Variants in CNTNAP3B observed in about 807,000 individuals in gnomAD.
The protein encoded by CNTNAP3B is contactin associated protein family member 3B.
CNTNAP3B carries 25 observed loss-of-function variants against 108.9 expected under a neutral mutation model. The ratio of observed to expected loss-of-function variants is 0.23; its 90% CI spans 0.17 to 0.32. The LOEUF is 0.32. Among genes scored for constraint, CNTNAP3B ranks in the 10% least tolerant of loss-of-function variants. The probability of loss-of-function intolerance (pLI) is 1.00; values close to 1 mark genes in which losing one functional copy is unlikely to be tolerated. For synonymous variants in CNTNAP3B, 103 were observed against 473.4 expected (o/e 0.22, Z 10.16); for missense variants, 252 against 1,210.4 (o/e 0.21, Z 11.75).
At chr9:41,952,117 C>T (rs1824707058) in intron 13 of CNTNAP3B, among the ~76,000 whole-genome samples, 2 of 152,254 alleles carry the variant, frequency 1.3e-5, no homozygotes, top group Non-Finnish European at 2.9e-5. Context: ...GCTGATTGGC[C>T]AGACGGACTA....
rs567604899 is a variant in CNTNAP3B at position 42,121,547 on chromosome 9, C to T, written c.85+7463G>A. On this transcript the variant is annotated intron_variant, in intron 1 of 23. Coordinates refer to ENST00000377561, the MANE Select transcript of CNTNAP3B (RefSeq NM_001201380.3). Reference sequence around the variant, plus strand: ...AACAAAACAAATTGACAATCAACCCCGGCCACCCAGGAGATGAGCTTTGTC... The same window carrying T: ...AACAAAACAAATTGACAATCAACCCTGGCCACCCAGGAGATGAGCTTTGTC... Among the ~76,000 whole-genome samples, 14 of 139,040 alleles carry T rather than the reference C, an allele frequency of 1.0e-4. 3 individuals carry two copies. The highest frequency in any genetic ancestry group is 7.0e-4 in the South Asian group (3 of 4,272). 91.2% of individuals were successfully genotyped at this position (139,040 alleles called of 152,430 possible).
At chr9:41,923,329 T>C (rs1376386341) in intron 16 of CNTNAP3B, among the ~76,000 whole-genome samples, 1 of 150,602 alleles carries the variant, frequency 6.6e-6, no homozygotes, top group Non-Finnish European at 1.5e-5. Context: ...ATATGTCTGG[T>C]CAAATATTTT....
chr9:42,071,269 G>C (rs1412400171), intron 3 of CNTNAP3B, among the ~76,000 whole-genome samples: 1 of 146,886 alleles, frequency 6.8e-6, no homozygotes, highest in Non-Finnish European at 1.5e-5. Context: ...GCACATTAGG[G>C]GTTAGGTTAT....
intron 12 of CNTNAP3B, among the ~76,000 whole-genome samples, chr9:41,954,509 G>T (rs1824796682): frequency 6.6e-6 from 1 of 152,278 alleles, no homozygotes; most frequent in South Asian, 2.1e-4. Context: ...ACCCACAAAT[G>T]AGCCACAAGT....
rs558930458 is a variant in CNTNAP3B at position 42,116,650 on chromosome 9, C to G, written c.86-11911G>C. 7.9e-5 allele frequency among the ~76,000 whole-genome samples: 11 copies of G among 139,764 alleles called. 3 individuals carry two copies. In the East Asian group the frequency reaches 2.4e-3, roughly 30 times the overall value. 91.7% of individuals were successfully genotyped at this position (139,764 alleles called of 152,430 possible). The stretch of plus-strand genomic sequence containing the variant: ...AAATAACCAGTTAACATCATAATGA[C>G]AGGATCAAATTCACACATAACAATA... On this transcript the variant is annotated intron_variant, in intron 1 of 23. Transcript: ENST00000377561.
chr9:41,968,390 A>G lies in CNTNAP3B; in HGVS notation c.1649+1684T>C, dbSNP rs1825345569. ...GAGCAAATGGCCAGAAACCTTCCCA[A>G]CTACCCTTCCCACGACTACAGAGTG... On this transcript the variant is annotated intron_variant, in intron 10 of 23. Transcript: ENST00000377561. 2.1e-5 allele frequency among the ~76,000 whole-genome samples: 3 copies of G among 139,904 alleles called. 1 individual carries two copies. Among genetic ancestry groups the G allele is most frequent in the Admixed American group, 7.1e-5 (1 of 14,122 alleles). 91.8% of individuals were successfully genotyped at this position (139,904 alleles called of 152,430 possible).
chr9:41,967,390 T>C (rs1192509453), intron 10 of CNTNAP3B, among the ~76,000 whole-genome samples: 2 of 151,352 alleles, frequency 1.3e-5, no homozygotes, highest in African/African-American at 2.4e-5. Context: ...AAGACGTGTC[T>C]TGTTTCTCCT....
intron 2 of CNTNAP3B, among the ~76,000 whole-genome samples, chr9:42,080,483 G>A (rs543208052): frequency 1.9e-4 from 26 of 138,268 alleles, no homozygotes; most frequent in Non-Finnish European, 2.8e-4. Context: ...GAAACACAGC[G>A]TGACTGACCT....
At chr9:42,053,946 T>G (rs1827007556) in intron 3 of CNTNAP3B, among the ~76,000 whole-genome samples, 1 of 151,546 alleles carries the variant, frequency 6.6e-6, no homozygotes, top group African/African-American at 2.4e-5. Flanking sequence ...ATTTTCCCCT[T>G]CCAAATGGAT....
chr9:42,019,861 G>A, intron 3 of CNTNAP3B, among the ~76,000 whole-genome samples: 1 of 127,732 alleles, frequency 7.8e-6, no homozygotes, highest in Admixed American at 8.0e-5. Context: ...AAGAAAGAAA[G>A]AAATGTTAGA....
intron 13 of CNTNAP3B, among the ~76,000 whole-genome samples, chr9:41,948,285 T>A (rs1587134030): frequency 1.3e-5 from 2 of 151,594 alleles, no homozygotes; most frequent in East Asian, 1.9e-4. Context: ...GGAGACGGGG[T>A]TTCACCATGT....
chr9:41,943,369 T>C, intron 13 of CNTNAP3B, among the ~76,000 whole-genome samples: 1 of 122,614 alleles, frequency 8.2e-6, no homozygotes, highest in East Asian at 2.3e-4. Flanking sequence ...TTTTTTTTTT[T>C]TGAGATGGAG....
Position 41,972,895 on chromosome 9 carries a change from C to T in CNTNAP3B, c.1478-2650G>A, listed in dbSNP as rs563158957. Among the ~76,000 whole-genome samples the T allele has an allele frequency of 5.8e-4, 75 of 129,932 alleles. 4 individuals are homozygous for T. The highest frequency in any genetic ancestry group is 9.2e-4 in the Non-Finnish European group (57 of 61,782). 85.2% of individuals were successfully genotyped at this position (129,932 alleles called of 152,430 possible). ...AATATCAACAGTTCTGCTAATCTTT[C>T]TTTCACCATGTGGTGTTTCCTGACA... is the stretch of plus-strand genomic sequence containing the variant. On this transcript the variant is annotated intron_variant, in intron 9 of 23. Coordinates refer to ENST00000377561, the MANE Select transcript of CNTNAP3B (RefSeq NM_001201380.3).
intron 1 of CNTNAP3B, among the ~76,000 whole-genome samples, chr9:42,112,487 G>C (rs1377684270): frequency 7.2e-6 from 1 of 138,962 alleles, no homozygotes; most frequent in African/African-American, 2.9e-5. Flanking sequence ...GAGGAAGAGA[G>C]ACTGGCATGA....
chr9:41,924,403 G>A (rs1434860106), intron 15 of CNTNAP3B, among the ~76,000 whole-genome samples: 2 of 152,306 alleles, frequency 1.3e-5, no homozygotes, highest in African/African-American at 2.4e-5. Context: ...TCAAAGGTAC[G>A]ACCAACAGAA....
At chr9:42,059,895 T>C (rs1268389627) in intron 3 of CNTNAP3B, among the ~76,000 whole-genome samples, 3 of 141,036 alleles carry the variant, frequency 2.1e-5, no homozygotes, top group Non-Finnish European at 4.6e-5. Context: ...TGGCCTGAAA[T>C]TTATGCATTA....
At chr9:42,043,302 G>A (rs1303266797) in intron 3 of CNTNAP3B, among the ~76,000 whole-genome samples, 1 of 104,168 alleles carries the variant, frequency 9.6e-6, no homozygotes, top group African/African-American at 3.7e-5. Context: ...CGAGTAGCTG[G>A]GATTATAGAT....
intron 12 of CNTNAP3B, among the ~76,000 whole-genome samples, chr9:41,956,022 T>C (rs533212509): frequency 6.6e-6 from 1 of 152,384 alleles, no homozygotes; most frequent in Non-Finnish European, 1.5e-5. Flanking sequence ...ACAATGCCTA[T>C]TTTATAATAA....
intron 12 of CNTNAP3B, 145 bp from the exon 13 acceptor site, chr9:41,953,531 T>C: frequency 2.3e-6 from 2 of 853,424 alleles, no homozygotes; most frequent in Non-Finnish European, 3.6e-6. Context: ...TGGACCTGTG[T>C]AACAATGTAC....
Sources: gnomAD v4.1 joint callset for allele counts (sites outside exome capture counted in the v4.1 genomes callset) on GRCh38, gnomAD v4.1.1 for gene constraint, MANE v1.5 for transcripts, NCBI Gene and HGNC (gene_info 2026-07-23, HGNC 2026-07-21) for gene names.